KDM3B: variants seen among roughly 807,000 people sequenced by gnomAD.
KDM3B encodes the protein lysine-specific demethylase 3B.
A neutral mutation model predicts 170.0 loss-of-function variants in KDM3B; 10 were observed. That is an observed-to-expected ratio of 0.06 (90% CI 0.04 to 0.10). KDM3B has a LOEUF of 0.10. Among genes scored for constraint, KDM3B ranks in the 10% least tolerant of loss-of-function variants. KDM3B has a pLI of 1.00. For synonymous variants in KDM3B, 831 were observed against 834.8 expected (o/e 1.00, Z 0.08); for missense variants, 1,394 against 2,195.2 (o/e 0.64, Z 7.29).
chr5:138,373,412 T>C (rs778180767), intron 2 of KDM3B, among the ~76,000 whole-genome samples: 1 of 152,110 alleles, frequency 6.6e-6, no homozygotes, highest in Non-Finnish European at 1.5e-5. Flanking sequence ...TTTTGAAACA[T>C]TATTTGTAAC....
chr5:138,355,885 C>T (rs1229243563), intron 1 of KDM3B, among the ~76,000 whole-genome samples: 2 of 152,212 alleles, frequency 1.3e-5, no homozygotes, highest in African/African-American at 2.4e-5. Context: ...CCAGCAATCT[C>T]TTTGCTCATC....
At chr5:138,353,901 C>T (rs1427238317) in intron 1 of KDM3B, among the ~76,000 whole-genome samples, 3 of 152,056 alleles carry the variant, frequency 2.0e-5, no homozygotes, top group African/African-American at 7.2e-5. Context: ...ACTTTATTTC[C>T]TCATTTTGAT....
intron 12 of KDM3B, among the ~76,000 whole-genome samples, chr5:138,416,737 A>C (rs531359790): frequency 1.6e-4 from 25 of 152,074 alleles, no homozygotes; most frequent in Non-Finnish European, 3.7e-4. Flanking sequence ...TCTTAGTATA[A>C]ATATTTAGCC....
At chr5:138,422,399 G>A (rs1714109458) in intron 15 of KDM3B, among the ~76,000 whole-genome samples, 2 of 152,164 alleles carry the variant, frequency 1.3e-5, no homozygotes. Context: ...CACTTTGGGA[G>A]GCTGAGGCGG....
chr5:138,431,402 C>A, intron 22 of KDM3B, 23 bp from the exon 23 acceptor site: 9 of 1,569,344 alleles, frequency 5.7e-6, no homozygotes, highest in Non-Finnish European at 7.8e-6. Flanking sequence ...TGATATTTCT[C>A]CTCTGCACTT....
chr5:138,358,533 T>C (rs1580872049), intron 1 of KDM3B, among the ~76,000 whole-genome samples: 1 of 151,356 alleles, frequency 6.6e-6, no homozygotes, highest in African/African-American at 2.4e-5. Flanking sequence ...CTTGAACCCC[T>C]GACTTCAGGT....
chr5:138,409,056 C>T (rs1167634422), intron 11 of KDM3B, among the ~76,000 whole-genome samples: 1 of 152,158 alleles, frequency 6.6e-6, no homozygotes, highest in Non-Finnish European at 1.5e-5. Flanking sequence ...GTTTGAAAAA[C>T]ACAACTATGT....
intron 1 of KDM3B, 52 bp downstream of exon 1, chr5:138,353,039 G>C (rs1761366924): frequency 8.3e-7 from 1 of 1,199,988 alleles, no homozygotes; most frequent in Non-Finnish European, 1.0e-6. Flanking sequence ...GGGCCTGCGG[G>C]CGGCCTCCCC....
chr5:138,357,184 G>A (rs1414694987), intron 1 of KDM3B, among the ~76,000 whole-genome samples: 5 of 151,682 alleles, frequency 3.3e-5, no homozygotes, highest in Admixed American at 6.6e-5. Context: ...ATGGGGTTTC[G>A]CCATGTTGCC....
chr5:138,364,280 C>G (rs1426569433), intron 1 of KDM3B, among the ~76,000 whole-genome samples: 1 of 152,062 alleles, frequency 6.6e-6, no homozygotes, highest in Non-Finnish European at 1.5e-5. Context: ...TTTCTTGGTG[C>G]TTTTCTCTAT....
At chr5:138,399,332 G>A (rs1265957683) in intron 10 of KDM3B, among the ~76,000 whole-genome samples, 1 of 151,738 alleles carries the variant, frequency 6.6e-6, no homozygotes, top group Admixed American at 6.6e-5. Context: ...GAGGTCAGGA[G>A]TTCAAGACCA....
At chr5:138,405,847 T>C (rs553843638) in intron 11 of KDM3B, among the ~76,000 whole-genome samples, 1 of 152,334 alleles carries the variant, frequency 6.6e-6, no homozygotes, top group South Asian at 2.1e-4. Context: ...ACTGGAAGTA[T>C]AGTTTTGTAA....
intron 6 of KDM3B, among the ~76,000 whole-genome samples, chr5:138,385,336 G>A (rs1050850241): frequency 5.3e-5 from 8 of 152,210 alleles, no homozygotes; most frequent in Middle Eastern, 3.4e-3. Flanking sequence ...GGGTTCAAGC[G>A]ATTCCCTTGC....
intron 12 of KDM3B, among the ~76,000 whole-genome samples, chr5:138,416,260 G>A (rs1456956062): frequency 6.6e-6 from 1 of 151,846 alleles, no homozygotes; most frequent in Non-Finnish European, 1.5e-5. Context: ...TGATGACTCT[G>A]CCAAACTACT....
chr5:138,377,954 C>A (rs1762038172), intron 4 of KDM3B, 129 bp downstream of exon 4: 1 of 450,184 alleles, frequency 2.2e-6, no homozygotes, highest in South Asian at 6.7e-5. Context: ...GAGTCAGATG[C>A]CACATGAAAG....
chr5:138,370,954 GC>G (rs1273882335), intron 1 of KDM3B, among the ~76,000 whole-genome samples: 1 of 152,012 alleles, frequency 6.6e-6, no homozygotes, highest in Non-Finnish European at 1.5e-5. Context: ...AATTATAGGT[GC>G]CCACCATCAT....
chr5:138,419,704 C>T (rs1763214214), intron 14 of KDM3B, among the ~76,000 whole-genome samples: 1 of 122,022 alleles, frequency 8.2e-6, no homozygotes, highest in African/African-American at 3.4e-5. Flanking sequence ...TATATATACA[C>T]ACACACATAT....
chr5:138,403,881 G>C (rs1275204177), intron 11 of KDM3B, among the ~76,000 whole-genome samples: 1 of 148,512 alleles, frequency 6.7e-6, no homozygotes. Flanking sequence ...TTATAAATAT[G>C]ATTAAGGATT....
At position 138,373,681 on chromosome 5, in the gene KDM3B, C is replaced by T. The variant is rs112313472; in HGVS notation, c.360+840C>T. Among the ~76,000 whole-genome samples the T allele has an allele frequency of 9.7e-3, 1,469 of 152,114 alleles. 16 individuals carry two copies. The highest frequency in any genetic ancestry group is 0.015 in the Non-Finnish European group (1,004 of 67,974). On this transcript the variant is annotated intron_variant, in intron 2 of 23. Transcript: ENST00000314358. The stretch of plus-strand genomic sequence containing the variant: ...GTATTTTTTTGTAGGGATGGTTGCT[C>T]ATCATGTTGCCTAGGCTGGTCTTGA...
Sources: gnomAD v4.1 joint callset for allele counts (sites outside exome capture counted in the v4.1 genomes callset) on GRCh38, gnomAD v4.1.1 for gene constraint, MANE v1.5 for transcripts, NCBI Gene and HGNC (gene_info 2026-07-23, HGNC 2026-07-21) for gene names.